The following SMAP1 variants were observed in gnomAD, a reference collection of about 807,000 sequenced individuals.
SMAP1 encodes stromal membrane-associated protein 1.
In SMAP1, 24 loss-of-function variants were observed where a neutral mutation model predicts 58.5. That is an observed-to-expected ratio of 0.41 (90% CI 0.30 to 0.58). The LOEUF is 0.58. Among genes scored for constraint, SMAP1 ranks in the 20% least tolerant of loss-of-function variants. The probability of loss-of-function intolerance (pLI) is 0.29; values close to 1 mark genes in which losing one functional copy is unlikely to be tolerated. For synonymous variants in SMAP1, 216 were observed against 196.6 expected (o/e 1.10, Z -0.82); for missense variants, 563 against 566.3 (o/e 0.99, Z 0.06).
intron 6 of SMAP1, among the ~76,000 whole-genome samples, chr6:70,823,696 C>G (rs1428141042): frequency 6.6e-6 from 1 of 151,880 alleles, no homozygotes; most frequent in Non-Finnish European, 1.5e-5. Flanking sequence ...ATACATAATA[C>G]AATGTAAATG....
intron 1 of SMAP1, among the ~76,000 whole-genome samples, chr6:70,673,966 A>G (rs768081147): frequency 6.6e-6 from 1 of 152,088 alleles, no homozygotes; most frequent in African/African-American, 2.4e-5. Flanking sequence ...GGAGGCTTAC[A>G]TCTCCTAAAT....
chr6:70,816,906 G>A (rs550836866), intron 6 of SMAP1, among the ~76,000 whole-genome samples: 125 of 152,082 alleles, frequency 8.2e-4, no homozygotes, highest in African/African-American at 3.0e-3. Flanking sequence ...TTTAATGACA[G>A]CATTTATAAC....
At chr6:70,845,169 C>T (rs1187717033) in intron 7 of SMAP1, among the ~76,000 whole-genome samples, 5 of 152,062 alleles carry the variant, frequency 3.3e-5, no homozygotes, top group East Asian at 1.9e-4. Context: ...TCTCATGTTG[C>T]TCTTTGACAT....
At chr6:70,773,475 AC>A (rs757389874) in intron 4 of SMAP1, 50 bp downstream of exon 4, 47 of 1,057,514 alleles carry the variant, frequency 4.4e-5, no homozygotes, top group Admixed American at 7.0e-5. Context: ...TAGATTTCAA[AC>A]TTTTAACATG....
chr6:70,787,416 G>A (rs867322962), intron 4 of SMAP1, among the ~76,000 whole-genome samples: 8 of 151,874 alleles, frequency 5.3e-5, no homozygotes, highest in South Asian at 2.1e-4. Flanking sequence ...AAAACACCAA[G>A]AGCAATGGCA....
intron 1 of SMAP1, among the ~76,000 whole-genome samples, chr6:70,681,565 C>T (rs942323270): frequency 2.0e-5 from 3 of 152,178 alleles, no homozygotes; most frequent in Non-Finnish European, 2.9e-5. Context: ...TTATTTTCAT[C>T]TTCCTTGAAA....
At chr6:70,709,888 G>A (rs542896400) in intron 1 of SMAP1, among the ~76,000 whole-genome samples, 1 of 151,694 alleles carries the variant, frequency 6.6e-6, no homozygotes, top group African/African-American at 2.4e-5. Flanking sequence ...GTGTTTTATA[G>A]TTTTCGGTGT....
chr6:70,801,060 A>T lies in SMAP1; in HGVS notation c.576+2323A>T, dbSNP rs1186439810. On this transcript the variant is annotated intron_variant, in intron 6 of 10. Coordinates refer to ENST00000370455, the MANE Select transcript of SMAP1 (RefSeq NM_001044305.3). Reference sequence around the variant, plus strand: ...TAATGGGATGGCTGGGTCAAATGGTATTTCTAGTTCTAGATCCTTGGGGAA... The same window carrying T: ...TAATGGGATGGCTGGGTCAAATGGTTTTTCTAGTTCTAGATCCTTGGGGAA... Among the ~76,000 whole-genome samples, 35 of 152,192 alleles carry T rather than the reference A, an allele frequency of 2.3e-4. 1 individual carries two copies. The highest frequency in any genetic ancestry group is 2.3e-3 in the Admixed American group (35 of 15,284).
chr6:70,670,667 C>T (rs1367012227), intron 1 of SMAP1, among the ~76,000 whole-genome samples: 1 of 152,170 alleles, frequency 6.6e-6, no homozygotes, highest in Non-Finnish European at 1.5e-5. Context: ...TAGTAAATTG[C>T]ATCAAACTTT....
intron 6 of SMAP1, among the ~76,000 whole-genome samples, chr6:70,804,623 A>G (rs1294156367): frequency 6.6e-6 from 1 of 152,040 alleles, no homozygotes; most frequent in Non-Finnish European, 1.5e-5. Flanking sequence ...CTGTTTTTGC[A>G]TTGGCTGGTA....
At chr6:70,770,130 A>C (rs1767209473) in intron 3 of SMAP1, among the ~76,000 whole-genome samples, 1 of 151,808 alleles carries the variant, frequency 6.6e-6, no homozygotes, top group Admixed American at 6.6e-5. Flanking sequence ...TGTTAGTCTG[A>C]TGGGCTTCCC....
chr6:70,778,265 G>A (rs1234802907), intron 4 of SMAP1, among the ~76,000 whole-genome samples: 1 of 152,126 alleles, frequency 6.6e-6, no homozygotes, highest in Admixed American at 6.6e-5. Flanking sequence ...ATTGGTGAAA[G>A]TGGGTATCCT....
intron 6 of SMAP1, among the ~76,000 whole-genome samples, chr6:70,824,791 A>G (rs1039469251): frequency 2.6e-5 from 4 of 152,342 alleles, no homozygotes; most frequent in African/African-American, 9.6e-5. Flanking sequence ...CGATGAGGAA[A>G]GGAAAAAGAA....
intron 4 of SMAP1, among the ~76,000 whole-genome samples, chr6:70,779,392 G>T (rs116844859): frequency 0.01 from 1,592 of 152,308 alleles, 13 homozygotes; most frequent in Non-Finnish European, 0.016. Context: ...TGCAGCAGCA[G>T]CTTGGTCCCA....
intron 6 of SMAP1, among the ~76,000 whole-genome samples, chr6:70,824,527 C>A (rs1770032019): frequency 1.3e-5 from 2 of 151,778 alleles, no homozygotes; most frequent in Non-Finnish European, 2.9e-5. Flanking sequence ...TGTTTTAAAT[C>A]AAGAAAAATT....
intron 4 of SMAP1, among the ~76,000 whole-genome samples, chr6:70,778,665 A>C (rs1390556322): frequency 6.6e-6 from 1 of 152,148 alleles, no homozygotes; most frequent in Non-Finnish European, 1.5e-5. Context: ...GGCTGTGGCT[A>C]TGTGGGAGGG....
intron 4 of SMAP1, 131 bp from the exon 5 acceptor site, chr6:70,791,558 A>T: frequency 1.6e-6 from 1 of 624,582 alleles, no homozygotes; most frequent in Non-Finnish European, 2.7e-6. Context: ...GCATTGTTTT[A>T]CTTTATTAAC....
chr6:70,780,772 G>C (rs1427991531), intron 4 of SMAP1, among the ~76,000 whole-genome samples: 1 of 152,210 alleles, frequency 6.6e-6, no homozygotes, highest in Non-Finnish European at 1.5e-5. Context: ...CTTGCGCCAT[G>C]CTGTCTCTGT....
intron 1 of SMAP1, among the ~76,000 whole-genome samples, chr6:70,717,989 A>G (rs1215904566): frequency 6.6e-6 from 1 of 152,236 alleles, no homozygotes; most frequent in East Asian, 1.9e-4. Context: ...TTCACAGAGC[A>G]GATTGTTATA....
Sources: gnomAD v4.1 joint callset for allele counts (sites outside exome capture counted in the v4.1 genomes callset) on GRCh38, gnomAD v4.1.1 for gene constraint, MANE v1.5 for transcripts, NCBI Gene and HGNC (gene_info 2026-07-23, HGNC 2026-07-21) for gene names.